Variants in CEP112 observed in about 807,000 individuals in gnomAD.
CEP112 encodes the protein centrosomal protein 112.
A neutral mutation model predicts 153.0 loss-of-function variants in CEP112; 127 were observed. That is an observed-to-expected ratio of 0.83 (90% CI 0.72 to 0.96). The LOEUF (loss-of-function observed/expected upper bound fraction) is 0.96, where lower values mean the gene tolerates loss of function less well. Ranked by LOEUF, CEP112 falls within the 40% of genes least tolerant of loss-of-function variation. The pLI, the probability that CEP112 is intolerant of heterozygous loss-of-function variation, is 0.00. For synonymous variants in CEP112, 358 were observed against 374.4 expected (o/e 0.96, Z 0.51); for missense variants, 1,089 against 1,101.2 (o/e 0.99, Z 0.16).
chr17:65,702,009 G>A (rs1041901990), intron 23 of CEP112, among the ~76,000 whole-genome samples: 1 of 150,390 alleles, frequency 6.6e-6, no homozygotes, highest in African/African-American at 2.5e-5. Context: ...CTGAGTAGCT[G>A]GGATTGTAGG....
chr17:66,010,580 C>T (rs531601329), intron 16 of CEP112, among the ~76,000 whole-genome samples: 3 of 152,206 alleles, frequency 2.0e-5, no homozygotes, highest in South Asian at 2.1e-4. Flanking sequence ...CTCAGTATTA[C>T]GTTGGCTGTG....
chr17:65,940,320 G>A (rs1364425561), intron 18 of CEP112, among the ~76,000 whole-genome samples: 6 of 152,092 alleles, frequency 3.9e-5, no homozygotes, highest in Admixed American at 3.9e-4. Context: ...TACAGAAAAT[G>A]TATAGAATTT....
At chr17:65,698,672 C>T (rs954242836) in intron 23 of CEP112, among the ~76,000 whole-genome samples, 3 of 152,010 alleles carry the variant, frequency 2.0e-5, no homozygotes, top group Non-Finnish European at 4.4e-5. Flanking sequence ...CACATTCCCC[C>T]GCTTCGTGGC....
intron 20 of CEP112, among the ~76,000 whole-genome samples, chr17:65,879,477 G>A (rs1047981673): frequency 1.3e-5 from 2 of 152,084 alleles, no homozygotes; most frequent in African/African-American, 2.4e-5. Flanking sequence ...TTCTTTCCAG[G>A]TACAAAGCTT....
chr17:65,718,603 A>T (rs928947017), intron 23 of CEP112, among the ~76,000 whole-genome samples: 2 of 152,118 alleles, frequency 1.3e-5, no homozygotes, highest in African/African-American at 2.4e-5. Context: ...GGTTTAGTTT[A>T]GCTTTCTTTC....
intron 4 of CEP112, among the ~76,000 whole-genome samples, chr17:66,157,238 A>G (rs1008450804): frequency 1.3e-5 from 2 of 152,228 alleles, no homozygotes; most frequent in African/African-American, 2.4e-5. Flanking sequence ...ATTCTTAAAG[A>G]AAAGAATTTT....
chr17:65,870,819 C>A (rs1300549869), intron 20 of CEP112, among the ~76,000 whole-genome samples: 1 of 152,274 alleles, frequency 6.6e-6, no homozygotes, highest in Middle Eastern at 3.4e-3. Context: ...ATTTGGCCTT[C>A]GAAGAAGAAT....
At chr17:66,010,425 C>T (rs1211526763) in intron 16 of CEP112, among the ~76,000 whole-genome samples, 3 of 152,200 alleles carry the variant, frequency 2.0e-5, no homozygotes, top group African/African-American at 7.2e-5. Context: ...TTGACTTCCT[C>T]TCTTCCTATT....
In CEP112 at chr17:65,663,971, G is replaced by A. The variant is rs889954337; in HGVS notation, c.2698-22906C>T. Reference sequence around the variant, plus strand: ...TGAGGCAGGAGAATGGCCTGAACCCGGGAGGCGGAGCTTGCAGTGAGCCGA... The same window carrying A: ...TGAGGCAGGAGAATGGCCTGAACCCAGGAGGCGGAGCTTGCAGTGAGCCGA... On this transcript the variant is annotated intron_variant, in intron 24 of 26. Transcript: ENST00000535342. Among the ~76,000 whole-genome samples, 70 of 152,248 alleles carry A rather than the reference G, an allele frequency of 4.6e-4. 2 individuals carry two copies. Among genetic ancestry groups the A allele is most frequent in the South Asian group, 4.1e-4 (2 of 4,822 alleles).
intron 24 of CEP112, among the ~76,000 whole-genome samples, chr17:65,682,826 G>T (rs1185317280): frequency 6.6e-6 from 1 of 152,178 alleles, no homozygotes; most frequent in Non-Finnish European, 1.5e-5. Context: ...GCCCAGGCCA[G>T]ATGTTCCCTT....
At chr17:65,766,225 C>CT (rs1211290070) in intron 21 of CEP112, among the ~76,000 whole-genome samples, 2 of 135,504 alleles carry the variant, frequency 1.5e-5, no homozygotes, top group Non-Finnish European at 3.2e-5. Flanking sequence ...CAATAGAGAG[C>CT]TTCAACAGCA....
At chr17:65,743,948 A>C (rs1002991139) in intron 22 of CEP112, among the ~76,000 whole-genome samples, 1 of 151,724 alleles carries the variant, frequency 6.6e-6, no homozygotes, top group African/African-American at 2.4e-5. Flanking sequence ...TTTTTAGTAG[A>C]GATGGGGTTT....
intron 20 of CEP112, among the ~76,000 whole-genome samples, chr17:65,881,158 A>G (rs2059055631): frequency 6.6e-6 from 1 of 152,182 alleles, no homozygotes; most frequent in Non-Finnish European, 1.5e-5. Flanking sequence ...CGGAGTTTGC[A>G]GTGAGCCGAG....
chr17:65,753,383 A>C (rs995161776), intron 21 of CEP112, among the ~76,000 whole-genome samples: 1 of 152,156 alleles, frequency 6.6e-6, no homozygotes, highest in Non-Finnish European at 1.5e-5. Flanking sequence ...CTCAGTCCAT[A>C]CCTTTGAAGT....
At chr17:66,023,968 C>G (rs2065099165) in intron 16 of CEP112, among the ~76,000 whole-genome samples, 1 of 152,088 alleles carries the variant, frequency 6.6e-6, no homozygotes, top group African/African-American at 2.4e-5. Flanking sequence ...ACATAATACA[C>G]CATGATCAAG....
chr17:65,790,570 C>T (rs78092112), intron 21 of CEP112, among the ~76,000 whole-genome samples: 81 of 152,290 alleles, frequency 5.3e-4, no homozygotes, highest in African/African-American at 1.9e-3. Context: ...ATTCTCTCTT[C>T]AGTCTTAACC....
rs1242777125 is a variant in CEP112, at chr17:65,849,748, A to G, written c.2394+2056T>C. 4.6e-5 allele frequency among the ~76,000 whole-genome samples: 7 copies of G among 152,366 alleles called. No individual in the cohort carries two copies. The East Asian group carries it at 1.3e-3, about 29-fold the overall frequency. On this transcript the variant is annotated intron_variant, in intron 21 of 26. Coordinates refer to ENST00000535342, the MANE Select transcript of CEP112 (RefSeq NM_001199165.4). ...ACTGCTAGAAGAGTTGACTGAAGCC[A>G]AGGTGAAGTGAGTGTAAGAGTTAAC...
chr17:66,126,668 T>C (rs2069865838), intron 6 of CEP112, among the ~76,000 whole-genome samples: 1 of 152,188 alleles, frequency 6.6e-6, no homozygotes, highest in African/African-American at 2.4e-5. Context: ...GAATTATGTA[T>C]TCCTAGAAAA....
intron 8 of CEP112, among the ~76,000 whole-genome samples, chr17:66,071,250 G>T (rs1157630925): frequency 6.6e-6 from 1 of 151,944 alleles, no homozygotes; most frequent in East Asian, 1.9e-4. Flanking sequence ...GTTATGAATG[G>T]TGGAGAAAGA....
Sources: allele counts gnomAD v4.1 joint callset (sites outside exome capture counted in the v4.1 genomes callset), GRCh38; gene constraint gnomAD v4.1.1; transcripts MANE v1.5; gene names NCBI Gene and HGNC (gene_info 2026-07-23, HGNC 2026-07-21).